The following BTBD9 variants were observed in gnomAD, a reference collection of about 807,000 sequenced individuals.
BTBD9 encodes the protein BTB domain containing 9, also known as BTB/POZ domain-containing protein 9.
BTBD9 carries 49 observed loss-of-function variants against 64.3 expected under a neutral mutation model. The ratio of observed to expected loss-of-function variants is 0.76; its 90% CI spans 0.61 to 0.97. The LOEUF (loss-of-function observed/expected upper bound fraction) is 0.97. Among genes scored for constraint, BTBD9 ranks in the 50% least tolerant of loss-of-function variants. The pLI is 0.00. For synonymous variants in BTBD9, 260 were observed against 274.7 expected (o/e 0.95, Z 0.53); for missense variants, 598 against 762.1 (o/e 0.78, Z 2.53).
intron 3 of BTBD9, among the ~76,000 whole-genome samples, chr6:38,593,735 C>T (rs930805456): frequency 2.0e-5 from 3 of 152,158 alleles, no homozygotes; most frequent in African/African-American, 7.2e-5. Context: ...CTCTTTTGCA[C>T]ATAAAACTTA....
chr6:38,400,886 T>C (rs2127632564), intron 6 of BTBD9, among the ~76,000 whole-genome samples: 1 of 152,354 alleles, frequency 6.6e-6, no homozygotes. Flanking sequence ...TCCTATGAGA[T>C]AAACATCTCC....
chr6:38,320,247 T>C (rs871184), intron 7 of BTBD9, among the ~76,000 whole-genome samples: 14,308 of 152,196 alleles, frequency 0.094, 1,615 homozygotes, highest in East Asian at 0.4. Context: ...ACTCACCTGA[T>C]TTTTCATTCT....
intron 6 of BTBD9, among the ~76,000 whole-genome samples, chr6:38,569,159 G>A (rs1057275038): frequency 2.6e-5 from 4 of 152,242 alleles, no homozygotes; most frequent in Non-Finnish European, 5.9e-5. Context: ...CCAATGTAGA[G>A]TCTACCTTAG....
chr6:38,393,927 A>G (rs1766547213), intron 6 of BTBD9, among the ~76,000 whole-genome samples: 1 of 152,216 alleles, frequency 6.6e-6, no homozygotes, highest in African/African-American at 2.4e-5. Flanking sequence ...CTGTTTGGGC[A>G]CTATGTAATA....
Position 38,174,960 on chromosome 6 carries a change from A to C in BTBD9, c.*25T>G. 1 of 1,612,534 alleles carries C rather than the reference A, an allele frequency of 6.2e-7. No homozygotes were observed. Among genetic ancestry groups the C allele is most frequent in the South Asian group, 1.1e-5 (1 of 91,038 alleles). On this transcript the variant is annotated 3_prime_UTR_variant, in exon 11 of 11. Coordinates refer to ENST00000481247, the MANE Select transcript of BTBD9 (RefSeq NM_001099272.2). ...TTCCTGCCGTTGCCCGAGCCCACCA[A>C]GTCACACCAGGCCCGCTGCCTCCTT...
chr6:38,183,281 A>C (rs1207138843), intron 10 of BTBD9, among the ~76,000 whole-genome samples: 2 of 152,188 alleles, frequency 1.3e-5, no homozygotes, highest in African/African-American at 4.8e-5. Context: ...CCGGCCTAAA[A>C]GGTCTTCTTT....
chr6:38,225,053 C>G (rs1462123664), intron 9 of BTBD9, among the ~76,000 whole-genome samples: 2 of 152,164 alleles, frequency 1.3e-5, no homozygotes, highest in Admixed American at 1.3e-4. Flanking sequence ...GAAAGGGGCA[C>G]TTACCATGGA....
chr6:38,284,171 C>A (rs887683505), intron 8 of BTBD9, among the ~76,000 whole-genome samples: 3 of 151,842 alleles, frequency 2.0e-5, no homozygotes, highest in African/African-American at 7.3e-5. Context: ...GCTTCAATTG[C>A]ATGGATTTTT....
intron 7 of BTBD9, among the ~76,000 whole-genome samples, chr6:38,341,894 C>A (rs781229382): frequency 6.6e-6 from 1 of 152,124 alleles, no homozygotes; most frequent in Non-Finnish European, 1.5e-5. Flanking sequence ...TGTGGTTGAG[C>A]GAGGGCCTCT....
At chr6:38,216,197 T>C (rs992881503) in intron 9 of BTBD9, among the ~76,000 whole-genome samples, 1 of 152,266 alleles carries the variant, frequency 6.6e-6, no homozygotes, top group African/African-American at 2.4e-5. Context: ...GAGCACGTGA[T>C]TGGGCCTCTA....
At chr6:38,397,551 T>C (rs1018230525) in intron 6 of BTBD9, among the ~76,000 whole-genome samples, 1 of 152,212 alleles carries the variant, frequency 6.6e-6, no homozygotes, top group African/African-American at 2.4e-5. Context: ...TTCAGGTGCC[T>C]GTGCATCACT....
At chr6:38,546,547 A>G (rs1374795278) in intron 6 of BTBD9, among the ~76,000 whole-genome samples, 1 of 152,342 alleles carries the variant, frequency 6.6e-6, no homozygotes, top group Non-Finnish European at 1.5e-5. Context: ...TTGAGCAAGT[A>G]TATTAGCACT....
At chr6:38,388,445 A>G (rs1196615528) in intron 6 of BTBD9, among the ~76,000 whole-genome samples, 1 of 152,232 alleles carries the variant, frequency 6.6e-6, no homozygotes, top group Admixed American at 6.5e-5. Context: ...CAGTCTACTT[A>G]GACTTTTATA....
At chr6:38,318,995 C>T (rs1763132269) in intron 7 of BTBD9, among the ~76,000 whole-genome samples, 1 of 152,194 alleles carries the variant, frequency 6.6e-6, no homozygotes, top group African/African-American at 2.4e-5. Context: ...AAAGTGCTTC[C>T]CACCCCTTGC....
intron 6 of BTBD9, among the ~76,000 whole-genome samples, chr6:38,407,940 C>A (rs778077090): frequency 6.6e-6 from 1 of 152,158 alleles, no homozygotes; most frequent in Non-Finnish European, 1.5e-5. Context: ...CAAAGGAAAG[C>A]TGTTTTTGCT....
At chr6:38,390,409 G>T (rs1185275042) in intron 6 of BTBD9, among the ~76,000 whole-genome samples, 13 of 151,974 alleles carry the variant, frequency 8.6e-5, no homozygotes, top group Admixed American at 8.5e-4. Flanking sequence ...TTTACTAATG[G>T]GTACATGATC....
intron 6 of BTBD9, among the ~76,000 whole-genome samples, chr6:38,395,284 T>A (rs1466070554): frequency 6.6e-6 from 1 of 152,056 alleles, no homozygotes; most frequent in South Asian, 2.1e-4. Context: ...AAAATTTTTT[T>A]AATTAACAGG....
chr6:38,251,920 T>A (rs1354364177), intron 9 of BTBD9, among the ~76,000 whole-genome samples: 1 of 151,462 alleles, frequency 6.6e-6, no homozygotes, highest in African/African-American at 2.4e-5. Flanking sequence ...TGAGAGCTTT[T>A]AAAATAAAGG....
At chr6:38,382,763 G>T (rs1209575565) in intron 6 of BTBD9, among the ~76,000 whole-genome samples, 2 of 151,958 alleles carry the variant, frequency 1.3e-5, no homozygotes, top group Admixed American at 1.3e-4. Context: ...AAAAAGATAA[G>T]AAATTATAAA....
Sources: gnomAD v4.1 joint callset for allele counts (sites outside exome capture counted in the v4.1 genomes callset) on GRCh38, gnomAD v4.1.1 for gene constraint, MANE v1.5 for transcripts, NCBI Gene and HGNC (gene_info 2026-07-23, HGNC 2026-07-21) for gene names.